LRP1B: variants seen among roughly 807,000 people sequenced by gnomAD.
LRP1B encodes the protein LDL receptor related protein 1B, also known as low-density lipoprotein receptor-related protein 1B.
A neutral mutation model predicts 556.6 loss-of-function variants in LRP1B; 217 were observed. That is an observed-to-expected ratio of 0.39 (90% CI 0.35 to 0.44). LRP1B has a LOEUF of 0.44. Among genes scored for constraint, LRP1B ranks in the 20% least tolerant of loss-of-function variants. LRP1B has a pLI of 1.00. For missense variants in LRP1B, 5,053 were observed against 5,620.8 expected (o/e 0.90, Z 3.23); for synonymous variants, 2,047 against 1,865.8 (o/e 1.10, Z -2.50).
At chr2:141,161,571 T>G (rs1317174065) in intron 7 of LRP1B, among the ~76,000 whole-genome samples, 2 of 152,158 alleles carry the variant, frequency 1.3e-5, no homozygotes, top group Non-Finnish European at 2.9e-5. Context: ...CACACCTTTG[T>G]AAAGCAAAGG....
At chr2:141,984,094 G>A (rs2105100804) in intron 1 of LRP1B, among the ~76,000 whole-genome samples, 1 of 152,218 alleles carries the variant, frequency 6.6e-6, no homozygotes, top group East Asian at 1.9e-4. Flanking sequence ...AGCCCATTTA[G>A]TCCAGCCTGC....
chr2:141,673,902 A>T (rs1271864483), intron 2 of LRP1B, among the ~76,000 whole-genome samples: 1 of 152,030 alleles, frequency 6.6e-6, no homozygotes, highest in East Asian at 1.9e-4. Flanking sequence ...GGACGACTGA[A>T]GCAATTTTGT....
At chr2:140,393,351 G>A (rs1684109186) in intron 66 of LRP1B, among the ~76,000 whole-genome samples, 1 of 151,800 alleles carries the variant, frequency 6.6e-6, no homozygotes, top group African/African-American at 2.4e-5. Flanking sequence ...ATTGATTAAT[G>A]TTTTAGTTGT....
intron 80 of LRP1B, among the ~76,000 whole-genome samples, chr2:140,324,402 T>C (rs1413909088): frequency 6.6e-6 from 1 of 152,052 alleles, no homozygotes; most frequent in Non-Finnish European, 1.5e-5. Context: ...TTATCTGTAG[T>C]ATACAAACAG....
chr2:141,425,302 C>G (rs1235205111), intron 3 of LRP1B, among the ~76,000 whole-genome samples: 1 of 149,526 alleles, frequency 6.7e-6, no homozygotes, highest in Non-Finnish European at 1.5e-5. Flanking sequence ...GCCACATTTT[C>G]TTAATCCAGT....
intron 1 of LRP1B, among the ~76,000 whole-genome samples, chr2:141,919,047 T>C (rs560740072): frequency 2.0e-5 from 3 of 152,076 alleles, no homozygotes; most frequent in Non-Finnish European, 4.4e-5. Flanking sequence ...AAAATGATGA[T>C]CAATATGCAG....
chr2:141,622,531 G>C (rs6429915), intron 2 of LRP1B, among the ~76,000 whole-genome samples: 118,073 of 152,074 alleles, frequency 0.78, 45,981 homozygotes, highest in East Asian at 0.83. Context: ...ACTGCCCTTT[G>C]AACCTCAACT....
intron 84 of LRP1B, among the ~76,000 whole-genome samples, chr2:140,289,103 A>C (rs572622627): frequency 1.4e-4 from 22 of 152,058 alleles, no homozygotes; most frequent in Admixed American, 2.6e-4. Context: ...TGCTCACCAA[A>C]ATTACTAAAT....
intron 2 of LRP1B, among the ~76,000 whole-genome samples, chr2:141,700,238 C>A (rs1426837043): frequency 6.6e-6 from 1 of 151,768 alleles, no homozygotes; most frequent in Non-Finnish European, 1.5e-5. Context: ...ACGTTCTACT[C>A]AAATCCCATG....
chr2:141,140,332 A>T (rs1190568457), intron 7 of LRP1B, among the ~76,000 whole-genome samples: 1 of 152,116 alleles, frequency 6.6e-6, no homozygotes, highest in African/African-American at 2.4e-5. Flanking sequence ...TAATAATAAA[A>T]ATTTTTTAAA....
chr2:141,010,030 T>C (rs1486605449), intron 14 of LRP1B, among the ~76,000 whole-genome samples: 1 of 152,074 alleles, frequency 6.6e-6, no homozygotes, highest in Non-Finnish European at 1.5e-5. Context: ...CTATTTTAAA[T>C]ATATGTTGTG....
intron 1 of LRP1B, among the ~76,000 whole-genome samples, chr2:141,847,070 T>A (rs977059608): frequency 6.6e-6 from 1 of 151,634 alleles, no homozygotes; most frequent in African/African-American, 2.4e-5. Flanking sequence ...ATTTTGTAAA[T>A]TATATGTTCA....
At chr2:141,887,285 C>T (rs1031732824) in intron 1 of LRP1B, among the ~76,000 whole-genome samples, 7 of 152,146 alleles carry the variant, frequency 4.6e-5, no homozygotes, top group African/African-American at 1.2e-4. Flanking sequence ...CATGTGCCCC[C>T]GTGCCCAGCC....
intron 1 of LRP1B, among the ~76,000 whole-genome samples, chr2:142,027,524 G>C (rs1050666050): frequency 6.6e-6 from 1 of 151,802 alleles, no homozygotes; most frequent in Non-Finnish European, 1.5e-5. Flanking sequence ...ATTCTACACT[G>C]TCAAACAGGC....
chr2:140,427,767 C>T (rs955000916), intron 66 of LRP1B, among the ~76,000 whole-genome samples: 1 of 151,112 alleles, frequency 6.6e-6, no homozygotes, highest in Non-Finnish European at 1.5e-5. Context: ...TCTTTCTAAT[C>T]TTCCTTTTCT....
intron 66 of LRP1B, among the ~76,000 whole-genome samples, chr2:140,398,453 C>A (rs1373771030): frequency 4.6e-5 from 7 of 152,136 alleles, no homozygotes; most frequent in Non-Finnish European, 7.4e-5. Flanking sequence ...AACACATACA[C>A]TGTGGAGAGG....
chr2:140,356,516 AT>A, intron 74 of LRP1B, 40 bp from the exon 75 acceptor site: 1 of 1,422,118 alleles, frequency 7.0e-7, no homozygotes. Context: ...TATAATTCTA[AT>A]TCCTGAAGTG....
intron 3 of LRP1B, among the ~76,000 whole-genome samples, chr2:141,355,456 C>A: frequency 6.6e-6 from 1 of 152,006 alleles, no homozygotes; most frequent in East Asian, 1.9e-4. Flanking sequence ...CATAACCAGT[C>A]AATCCCCACC....
intron 41 of LRP1B, among the ~76,000 whole-genome samples, chr2:140,698,677 A>G (rs1686522414): frequency 6.6e-6 from 1 of 152,060 alleles, no homozygotes; most frequent in East Asian, 1.9e-4. Context: ...TTTACAGATA[A>G]CTGAGTATTC....
Sources: gnomAD v4.1 joint callset for allele counts (sites outside exome capture counted in the v4.1 genomes callset) on GRCh38, gnomAD v4.1.1 for gene constraint, MANE v1.5 for transcripts, NCBI Gene and HGNC (gene_info 2026-07-23, HGNC 2026-07-21) for gene names.